Variants in FAM227B observed in about 807,000 individuals in gnomAD.
The protein encoded by FAM227B is family with sequence similarity 227 member B, also known as protein FAM227B.
In FAM227B, 88 loss-of-function variants were observed where a neutral mutation model predicts 73.8. The ratio of observed to expected loss-of-function variants is 1.19; its 90% CI spans 1.00 to 1.42. The LOEUF (loss-of-function observed/expected upper bound fraction) is 1.42. Among genes scored for constraint, FAM227B ranks in the 40% most tolerant of loss-of-function variants. FAM227B has a pLI of 0.00. For synonymous variants in FAM227B, 210 were observed against 190.5 expected (o/e 1.10, Z -0.84); for missense variants, 632 against 590.9 (o/e 1.07, Z -0.72).
intron 10 of FAM227B, among the ~76,000 whole-genome samples, chr15:49,510,999 C>T (rs1490644087): frequency 6.7e-6 from 1 of 149,914 alleles, no homozygotes; most frequent in Non-Finnish European, 1.5e-5. Flanking sequence ...TCTCTGGGTT[C>T]TGAGGACTCA....
At chr15:49,348,644 T>C (rs1013492788) in intron 13 of FAM227B, among the ~76,000 whole-genome samples, 1 of 152,186 alleles carries the variant, frequency 6.6e-6, no homozygotes, top group African/African-American at 2.4e-5. Flanking sequence ...ACTTTCTCCT[T>C]TGTCTGCCCA....
chr15:49,480,474 A>ATTTTT (rs35283556), intron 11 of FAM227B, among the ~76,000 whole-genome samples: 6 of 100,900 alleles, frequency 5.9e-5, no homozygotes, highest in South Asian at 6.9e-4. Context: ...TGCCCAACTA[A>ATTTTT]TTTTTTTTTT....
At chr15:49,405,360 G>T (rs141727868) in intron 11 of FAM227B, among the ~76,000 whole-genome samples, 1 of 152,274 alleles carries the variant, frequency 6.6e-6, no homozygotes, top group East Asian at 1.9e-4. Context: ...CAACTTGCTT[G>T]TACTCACCCC....
At chr15:49,600,924 C>T (rs2077160103) in intron 3 of FAM227B, among the ~76,000 whole-genome samples, 1 of 150,716 alleles carries the variant, frequency 6.6e-6, no homozygotes, top group South Asian at 2.1e-4. Flanking sequence ...CGCCTGTAAT[C>T]CCAGCTACAC....
At chr15:49,363,870 A>C (rs2044675832) in intron 13 of FAM227B, among the ~76,000 whole-genome samples, 1 of 152,076 alleles carries the variant, frequency 6.6e-6, no homozygotes, top group Admixed American at 6.6e-5. Context: ...GTATTGAGAT[A>C]ATCTTATGGG....
intron 11 of FAM227B, among the ~76,000 whole-genome samples, chr15:49,428,391 G>C (rs2050306920): frequency 6.6e-6 from 1 of 152,004 alleles, no homozygotes; most frequent in Non-Finnish European, 1.5e-5. Flanking sequence ...CTCTGCAGAA[G>C]AAGAAGAGCA....
chr15:49,423,639 G>A (rs1434051090), intron 11 of FAM227B, among the ~76,000 whole-genome samples: 3 of 152,118 alleles, frequency 2.0e-5, no homozygotes, highest in Non-Finnish European at 2.9e-5. Context: ...AAAAAACCTG[G>A]GCAGTTCAGG....
chr15:49,385,436 G>C (rs1005450364), intron 11 of FAM227B, among the ~76,000 whole-genome samples: 2 of 151,606 alleles, frequency 1.3e-5, no homozygotes, highest in Admixed American at 1.3e-4. Flanking sequence ...GAATATATAT[G>C]CAAAAACACA....
At chr15:49,619,360 C>T (rs531186330) in intron 1 of FAM227B, among the ~76,000 whole-genome samples, 5 of 152,240 alleles carry the variant, frequency 3.3e-5, no homozygotes, top group South Asian at 4.1e-4. Flanking sequence ...GAAGTAGCAC[C>T]GCGTTACTTT....
intron 3 of FAM227B, among the ~76,000 whole-genome samples, chr15:49,600,971 G>C (rs1297488209): frequency 6.7e-6 from 1 of 150,366 alleles, no homozygotes; most frequent in African/African-American, 2.5e-5. Context: ...GAATCTAGGA[G>C]GCAGAGGTTG....
chr15:49,481,816 ACT>A (rs1043036781), intron 11 of FAM227B, among the ~76,000 whole-genome samples: 1 of 152,060 alleles, frequency 6.6e-6, no homozygotes, highest in Non-Finnish European at 1.5e-5. Flanking sequence ...TAGCTGTGAA[ACT>A]CTCAACTGGA....
chr15:49,585,144 C>A (rs1049795335), intron 5 of FAM227B, among the ~76,000 whole-genome samples: 8 of 152,088 alleles, frequency 5.3e-5, no homozygotes, highest in African/African-American at 1.7e-4. Context: ...CAATGAGATA[C>A]CATCTCACAC....
At chr15:49,463,242 C>T (rs1193136752) in intron 11 of FAM227B, among the ~76,000 whole-genome samples, 3 of 152,078 alleles carry the variant, frequency 2.0e-5, no homozygotes, top group Admixed American at 2.0e-4. Flanking sequence ...CAGTGGCTTA[C>T]CATCCTCTAC....
At chr15:49,463,685 T>C (rs1011883493) in intron 11 of FAM227B, among the ~76,000 whole-genome samples, 13 of 152,198 alleles carry the variant, frequency 8.5e-5, no homozygotes, top group Non-Finnish European at 5.9e-5. Context: ...AACCCCCAAA[T>C]GCCACAGTGT....
At chr15:49,421,618 C>T (rs1029461087) in intron 11 of FAM227B, among the ~76,000 whole-genome samples, 1 of 152,274 alleles carries the variant, frequency 6.6e-6, no homozygotes, top group East Asian at 1.9e-4. Flanking sequence ...TTACTGATTT[C>T]TTGGTTTAAA....
At chr15:49,340,512 C>T (rs2040555492) in intron 13 of FAM227B, among the ~76,000 whole-genome samples, 1 of 151,282 alleles carries the variant, frequency 6.6e-6, no homozygotes, top group South Asian at 2.1e-4. Context: ...GCAGAAGTCA[C>T]CTGTCTTCTG....
chr15:49,593,306 G>A (rs996862363), intron 3 of FAM227B, among the ~76,000 whole-genome samples: 3 of 152,096 alleles, frequency 2.0e-5, no homozygotes, highest in East Asian at 3.9e-4. Context: ...GTTCCTATTC[G>A]GCCATTTTGG....
At chr15:49,433,978 C>G (rs1027418196) in intron 11 of FAM227B, among the ~76,000 whole-genome samples, 2 of 151,686 alleles carry the variant, frequency 1.3e-5, no homozygotes, top group East Asian at 3.9e-4. Context: ...GGTCTGCCTA[C>G]TAATATTGAT....
At chr15:49,367,805 C>A in intron 12 of FAM227B, 197 bp from the exon 13 acceptor site, 2 of 338,450 alleles carry the variant, frequency 5.9e-6, no homozygotes, top group Non-Finnish European at 5.2e-6. Context: ...GGCTCTTCTA[C>A]TCTTTTGAGT....
Sources: allele counts gnomAD v4.1 joint callset (sites outside exome capture counted in the v4.1 genomes callset), GRCh38; gene constraint gnomAD v4.1.1; transcripts MANE v1.5; gene names NCBI Gene and HGNC (gene_info 2026-07-23, HGNC 2026-07-21).